The following MYO3A variants were observed in gnomAD, a reference collection of about 807,000 sequenced individuals.
MYO3A encodes the protein myosin-IIIa.
Under a neutral mutation model 192.7 loss-of-function variants are expected in MYO3A, and 180 were observed. The ratio of observed to expected loss-of-function variants is 0.93; its 90% CI spans 0.83 to 1.06. MYO3A has a LOEUF of 1.06. Ranked by LOEUF, MYO3A falls within the 50% of genes least tolerant of loss-of-function variation. The pLI, the probability that MYO3A is intolerant of heterozygous loss-of-function variation, is 0.00. For synonymous variants in MYO3A, 628 were observed against 645.3 expected, an observed-to-expected ratio of 0.97 and a Z score of 0.41; for missense variants, 1,896 against 1,905.0, an observed-to-expected ratio of 1.00 and a Z score of 0.09.
At chr10:26,116,538 A>C (rs1838516246) in intron 17 of MYO3A, among the ~76,000 whole-genome samples, 1 of 152,190 alleles carries the variant, frequency 6.6e-6, no homozygotes, top group South Asian at 2.1e-4. Context: ...CAACATATGA[A>C]TCTGAGGGGG....
intron 6 of MYO3A, among the ~76,000 whole-genome samples, chr10:25,999,982 T>C (rs1428749135): frequency 6.6e-6 from 1 of 152,166 alleles, no homozygotes. Context: ...GCTCCTGCAG[T>C]TATACTTTAC....
intron 3 of MYO3A, among the ~76,000 whole-genome samples, chr10:25,954,641 A>G (rs12355579): frequency 4.1e-4 from 63 of 152,222 alleles, no homozygotes; most frequent in African/African-American, 1.5e-3. Flanking sequence ...TTATTTATCC[A>G]TTTTAAAATT....
intron 6 of MYO3A, among the ~76,000 whole-genome samples, chr10:26,013,580 C>T (rs1053358551): frequency 6.6e-6 from 1 of 151,972 alleles, no homozygotes. Context: ...TACCATAATC[C>T]TGCAAGAATG....
At chr10:26,000,846 AT>A (rs1840751872) in intron 6 of MYO3A, among the ~76,000 whole-genome samples, 1 of 152,142 alleles carries the variant, frequency 6.6e-6, no homozygotes, top group South Asian at 2.1e-4. Flanking sequence ...AAGAAAAGAG[AT>A]TTGATTGACT....
intron 6 of MYO3A, among the ~76,000 whole-genome samples, chr10:26,014,518 C>T (rs1588779010): frequency 2.0e-5 from 3 of 151,996 alleles, no homozygotes; most frequent in African/African-American, 2.4e-5. Flanking sequence ...TCAAAAATAC[C>T]TTCACAGAAA....
intron 29 of MYO3A, among the ~76,000 whole-genome samples, chr10:26,173,187 A>G (rs1842138386): frequency 6.6e-6 from 1 of 152,218 alleles, no homozygotes; most frequent in Non-Finnish European, 1.5e-5. Context: ...TAGCGAGGAC[A>G]TTGCTTTTCC....
chr10:26,055,488 G>C (rs920477689), intron 10 of MYO3A, among the ~76,000 whole-genome samples: 2 of 152,090 alleles, frequency 1.3e-5, no homozygotes, highest in Admixed American at 1.3e-4. Context: ...AATTAGTGGG[G>C]TGGGAAAATT....
chr10:26,041,011 T>C (rs1328220048), intron 10 of MYO3A, among the ~76,000 whole-genome samples: 2 of 152,100 alleles, frequency 1.3e-5, no homozygotes, highest in Non-Finnish European at 2.9e-5. Context: ...CCAGCTGTTA[T>C]TTTATTGGGG....
chr10:26,201,229 TA>T (rs1318967411), intron 32 of MYO3A, 35 bp from the exon 33 acceptor site: 2 of 1,267,594 alleles, frequency 1.6e-6, no homozygotes, highest in African/African-American at 3.0e-5. Context: ...AAGATCATAA[TA>T]TTATATAGAT....
At chr10:26,136,263 A>G (rs1171106082) in intron 20 of MYO3A, among the ~76,000 whole-genome samples, 1 of 152,200 alleles carries the variant, frequency 6.6e-6, no homozygotes, top group Admixed American at 6.5e-5. Flanking sequence ...TTATGACTTG[A>G]AAACAAACAC....
At chr10:26,087,408 A>G (rs1404429391) in intron 14 of MYO3A, among the ~76,000 whole-genome samples, 1 of 152,208 alleles carries the variant, frequency 6.6e-6, no homozygotes, top group African/African-American at 2.4e-5. Context: ...ACTTTGCAGT[A>G]ACTCTAACAT....
chr10:25,989,877 T>A (rs949023498), intron 4 of MYO3A, among the ~76,000 whole-genome samples: 4 of 152,132 alleles, frequency 2.6e-5, no homozygotes, highest in African/African-American at 9.6e-5. Flanking sequence ...GTCAGGGTGA[T>A]GGGCAGGGAA....
chr10:26,201,420 C>A, intron 33 of MYO3A, 115 bp downstream of exon 33: 1 of 631,966 alleles, frequency 1.6e-6, no homozygotes, highest in Non-Finnish European at 2.6e-6. Flanking sequence ...GTGGCTCACG[C>A]CTGTAATCCC....
chr10:26,163,354 G>A (rs1284745136), intron 26 of MYO3A, among the ~76,000 whole-genome samples: 1 of 152,336 alleles, frequency 6.6e-6, no homozygotes, highest in South Asian at 2.1e-4. Context: ...GACATGATCA[G>A]ATTTTCATTT....
At chr10:26,127,555 G>C (rs941576442) in intron 19 of MYO3A, among the ~76,000 whole-genome samples, 1 of 152,046 alleles carries the variant, frequency 6.6e-6, no homozygotes, top group African/African-American at 2.4e-5. Flanking sequence ...TCCAAATGTA[G>C]AGCGGATCCT....
chr10:26,129,852 C>T (rs1839430435), intron 20 of MYO3A, among the ~76,000 whole-genome samples: 1 of 152,196 alleles, frequency 6.6e-6, no homozygotes, highest in African/African-American at 2.4e-5. Flanking sequence ...ATACTCACAG[C>T]ATCCATTTGA....
chr10:25,965,805 T>C (rs566816172), intron 4 of MYO3A, among the ~76,000 whole-genome samples: 1 of 152,172 alleles, frequency 6.6e-6, no homozygotes, highest in South Asian at 2.1e-4. Context: ...CTTGCCCTAC[T>C]TTTCCTTTCT....
chr10:26,146,956 T>G (rs1444075768), intron 22 of MYO3A, among the ~76,000 whole-genome samples: 1 of 152,158 alleles, frequency 6.6e-6, no homozygotes, highest in African/African-American at 2.4e-5. Context: ...CTAAACTTTT[T>G]TTTAAGTAAT....
intron 4 of MYO3A, among the ~76,000 whole-genome samples, chr10:25,956,379 G>A (rs1191218293): frequency 1.3e-5 from 2 of 149,046 alleles, no homozygotes; most frequent in African/African-American, 5.0e-5. Flanking sequence ...TGCCCAGGCT[G>A]GAGTGCAGTG....
Sources: gnomAD v4.1 joint callset for allele counts (sites outside exome capture counted in the v4.1 genomes callset) on GRCh38, gnomAD v4.1.1 for gene constraint, MANE v1.5 for transcripts, NCBI Gene and HGNC (gene_info 2026-07-23, HGNC 2026-07-21) for gene names.